The following SBF2 variants were observed in gnomAD, a reference collection of about 807,000 sequenced individuals.
SBF2 encodes myotubularin-related protein 13.
Under a neutral mutation model 225.2 loss-of-function variants are expected in SBF2, and 112 were observed. The ratio of observed to expected loss-of-function variants is 0.50; its 90% CI spans 0.43 to 0.58. The LOEUF (loss-of-function observed/expected upper bound fraction) is 0.58, where lower values mean the gene tolerates loss of function less well. Among genes scored for constraint, SBF2 ranks in the 20% least tolerant of loss-of-function variants. The probability of loss-of-function intolerance (pLI) is 0.00; values close to 1 mark genes in which losing one functional copy is unlikely to be tolerated. For missense variants in SBF2, 1,996 were observed against 2,206.2 expected, an observed-to-expected ratio of 0.90 and a Z score of 1.91; for synonymous variants, 763 against 773.3, an observed-to-expected ratio of 0.99 and a Z score of 0.22.
At chr11:10,097,297 CG>C (rs1952063915) in intron 2 of SBF2, among the ~76,000 whole-genome samples, 1 of 152,176 alleles carries the variant, frequency 6.6e-6, no homozygotes. Flanking sequence ...GTGGATTTCC[CG>C]GCCTTGAGAA....
At chr11:9,861,002 A>T (rs1857688431) in intron 17 of SBF2, among the ~76,000 whole-genome samples, 1 of 152,198 alleles carries the variant, frequency 6.6e-6, no homozygotes, top group Non-Finnish European at 1.5e-5. Flanking sequence ...TCCTTGGCAC[A>T]TTTGAGTTGA....
chr11:10,107,433 G>A (rs1416865894), intron 2 of SBF2, among the ~76,000 whole-genome samples: 1 of 151,956 alleles, frequency 6.6e-6, no homozygotes, highest in Non-Finnish European at 1.5e-5. Flanking sequence ...ACTCCATTTA[G>A]GTAAAATTCT....
intron 30 of SBF2, 86 bp downstream of exon 30, chr11:9,812,446 A>G: frequency 7.0e-7 from 1 of 1,430,724 alleles, no homozygotes; most frequent in Non-Finnish European, 9.7e-7. Flanking sequence ...GGAACAAAGT[A>G]TTTTTTTTCT....
intron 1 of SBF2, among the ~76,000 whole-genome samples, chr11:10,226,232 C>A (rs896575466): frequency 3.3e-5 from 5 of 151,886 alleles, no homozygotes; most frequent in African/African-American, 1.2e-4. Context: ...CCCAAAAAAC[C>A]AAGAAAATAA....
intron 16 of SBF2, among the ~76,000 whole-genome samples, chr11:9,926,006 T>A (rs1203359321): frequency 6.6e-6 from 1 of 152,152 alleles, no homozygotes; most frequent in Non-Finnish European, 1.5e-5. Context: ...GAGAGAACAG[T>A]TTGAACTTCA....
chr11:10,228,899 C>A (rs968769651), intron 1 of SBF2, among the ~76,000 whole-genome samples: 1 of 151,874 alleles, frequency 6.6e-6, no homozygotes, highest in African/African-American at 2.4e-5. Context: ...ATGGTACCAG[C>A]TCCTCCTTGT....
intron 1 of SBF2, among the ~76,000 whole-genome samples, chr11:10,230,501 G>A (rs1287591449): frequency 2.0e-5 from 3 of 152,136 alleles, no homozygotes; most frequent in East Asian, 1.9e-4. Context: ...TTTAGGGCAG[G>A]CCTGGTGGCG....
In SBF2 at chr11:10,133,515, G is replaced by C. The variant is rs1390806516; in HGVS notation, c.141+60387C>G. On this transcript the variant is annotated intron_variant, in intron 2 of 39. Coordinates refer to ENST00000256190, the MANE Select transcript of SBF2 (RefSeq NM_030962.4). ...TGCCGGTGGGCCAGCACTGCTGGGG[G>C]ACTCAGTACACCCTCCGCAGCCACT... Among the ~76,000 whole-genome samples the C allele has an allele frequency of 3.7e-5, 5 of 135,928 alleles. 1 individual carries two copies. Among genetic ancestry groups the C allele is most frequent in the African/African-American group, 1.0e-4 (4 of 39,528 alleles). The allele number at this position is 135,928 out of a possible 152,430, so 89.2% of individuals were successfully genotyped here.
intron 17 of SBF2, among the ~76,000 whole-genome samples, chr11:9,860,132 C>T (rs962754531): frequency 6.6e-6 from 1 of 152,196 alleles, no homozygotes; most frequent in Non-Finnish European, 1.5e-5. Context: ...GAATCACAAG[C>T]TCCTTCTATA....
intron 2 of SBF2, among the ~76,000 whole-genome samples, chr11:10,057,669 C>T (rs1208082778): frequency 6.6e-6 from 1 of 152,168 alleles, no homozygotes; most frequent in Non-Finnish European, 1.5e-5. Context: ...GGAACATAAA[C>T]ACAGAGATTG....
chr11:9,850,930 G>C (rs535087528), intron 21 of SBF2, among the ~76,000 whole-genome samples: 1 of 152,180 alleles, frequency 6.6e-6, no homozygotes, highest in Non-Finnish European at 1.5e-5. Context: ...GAGGTCAGGA[G>C]TTCGAGACCA....
At chr11:10,043,077 T>C (rs1241879712) in intron 2 of SBF2, 96 bp from the exon 3 acceptor site, 1 of 1,244,588 alleles carries the variant, frequency 8.0e-7, no homozygotes, top group East Asian at 2.5e-5. Context: ...TTTTAACAAA[T>C]TCCTACCTGA....
At chr11:10,265,493 C>CG (rs5789631) in intron 1 of SBF2, among the ~76,000 whole-genome samples, 48 of 84,782 alleles carry the variant, frequency 5.7e-4, no homozygotes, top group Middle Eastern at 5.1e-3. Flanking sequence ...GTGCAGAAAT[C>CG]GGGGGGGGGG....
rs1045128197 is a variant in SBF2, at chr11:9,890,677, G to A, written c.1929+5266C>T. Among the ~76,000 whole-genome samples, 6 of 152,168 alleles carry A rather than the reference G, an allele frequency of 3.9e-5. No homozygotes were observed. The East Asian group carries it at 5.8e-4, about 15-fold the overall frequency. On this transcript the variant is annotated intron_variant, in intron 17 of 39. Coordinates refer to ENST00000256190, the MANE Select transcript of SBF2 (RefSeq NM_030962.4). ...GGAGAAAGTGTTAGCTCTCCTGGGA[G>A]TCATTTTGAGTATCAATAACCAACA...
At chr11:9,817,581 A>G (rs980790387) in intron 28 of SBF2, among the ~76,000 whole-genome samples, 12 of 137,764 alleles carry the variant, frequency 8.7e-5, no homozygotes, top group African/African-American at 3.2e-4. Flanking sequence ...AGATTATATT[A>G]TATTTTTCAG....
chr11:9,944,483 C>A (rs1295318728), intron 16 of SBF2, among the ~76,000 whole-genome samples: 1 of 152,162 alleles, frequency 6.6e-6, no homozygotes, highest in African/African-American at 2.4e-5. Flanking sequence ...TTTACACACT[C>A]GTGTTTGACT....
Position 9,780,412 on chromosome 11 carries a change from T to C in SBF2, c.*6A>G. On this transcript the variant is annotated 3_prime_UTR_variant, in exon 40 of 40. Transcript: ENST00000256190. ...CTGTTTCTTCTGCGTGGGTTGACCA[T>C]GGGCATCAGGCATCAGAGATACAAC... 1 of 1,611,842 alleles carries C rather than the reference T, an allele frequency of 6.2e-7. No homozygotes were observed. Among genetic ancestry groups the C allele is most frequent in the Non-Finnish European group, 8.5e-7 (1 of 1,177,966 alleles).
intron 2 of SBF2, among the ~76,000 whole-genome samples, chr11:10,069,243 C>T (rs1387652814): frequency 1.3e-5 from 2 of 151,996 alleles, no homozygotes; most frequent in Non-Finnish European, 2.9e-5. Flanking sequence ...ATACATGTGC[C>T]ATGTTGGTTT....
At chr11:10,027,439 G>C (rs1254369471) in intron 6 of SBF2, among the ~76,000 whole-genome samples, 1 of 152,162 alleles carries the variant, frequency 6.6e-6, no homozygotes, top group Non-Finnish European at 1.5e-5. Context: ...GTAAGATACA[G>C]AGCAAAACTA....
Sources: allele counts gnomAD v4.1 joint callset (sites outside exome capture counted in the v4.1 genomes callset), GRCh38; gene constraint gnomAD v4.1.1; transcripts MANE v1.5; gene names NCBI Gene and HGNC (gene_info 2026-07-23, HGNC 2026-07-21).